CLEC12A: variants seen among roughly 807,000 people sequenced by gnomAD.
The protein encoded by CLEC12A is C-type lectin protein CLL-1.
A neutral mutation model predicts 26.5 loss-of-function variants in CLEC12A; 22 were observed. The ratio of observed to expected loss-of-function variants is 0.83; its 90% CI spans 0.59 to 1.19. CLEC12A has a LOEUF of 1.19. Ranked by LOEUF, CLEC12A falls within the 50% of genes most tolerant of loss-of-function variation. The probability of loss-of-function intolerance (pLI) is 0.00; values close to 1 mark genes in which losing one functional copy is unlikely to be tolerated. For missense variants in CLEC12A, 353 were observed against 315.6 expected (o/e 1.12, Z -0.90); for synonymous variants, 119 against 101.9 (o/e 1.17, Z -1.01).
At chr12:9,977,179 A>T (rs528986003) in intron 1 of CLEC12A, among the ~76,000 whole-genome samples, 108 of 152,294 alleles carry the variant, frequency 7.1e-4, no homozygotes, top group African/African-American at 2.2e-3. Context: ...AATTTCAGAA[A>T]TTTTTGCAAT....
chr12:9,993,316 T>C, intron 4 of CLEC12A: 1 of 1,604,550 alleles, frequency 6.2e-7, no homozygotes, highest in Non-Finnish European at 8.5e-7. Context: ...AATAAATTCC[T>C]TTGAAAACTG....
At chr12:10,004,997 C>CAAAGAG in the CLEC12A span, among the ~76,000 whole-genome samples, 1 of 150,958 alleles carries the variant, frequency 6.6e-6, no homozygotes, top group Non-Finnish European at 1.5e-5. Flanking sequence ...TTGTCTGAAT[C>CAAAGAG]AAAGAGAAAG....
chr12:9,968,182 G>A (rs926655693), upstream of CLEC12A, among the ~76,000 whole-genome samples: 1 of 152,194 alleles, frequency 6.6e-6, no homozygotes, highest in African/African-American at 2.4e-5. Flanking sequence ...GAGGTCATAG[G>A]TGGATCTTTC....
At chr12:9,975,814 G>A (rs762776609) in intron 1 of CLEC12A, among the ~76,000 whole-genome samples, 1 of 152,220 alleles carries the variant, frequency 6.6e-6, no homozygotes, top group Middle Eastern at 3.4e-3. Flanking sequence ...GGAATAAATG[G>A]TATTATGGAC....
At chr12:10,000,433 A>T (rs1591854884), downstream of CLEC12A, among the ~76,000 whole-genome samples, 1 of 152,358 alleles carries the variant, frequency 6.6e-6, no homozygotes, top group South Asian at 2.1e-4. Context: ...TATAAAAGAC[A>T]TTCCCTGATT....
At chr12:9,988,941 T>C (rs1864831049), downstream of CLEC12A, among the ~76,000 whole-genome samples, 1 of 152,178 alleles carries the variant, frequency 6.6e-6, no homozygotes, top group South Asian at 2.1e-4. Context: ...CTATTCACAA[T>C]AGCAAAGACT....
intron 1 of CLEC12A, among the ~76,000 whole-genome samples, chr12:9,957,308 A>G (rs1394811437): frequency 6.6e-6 from 1 of 151,968 alleles, no homozygotes; most frequent in Admixed American, 6.6e-5. Flanking sequence ...ACCAACATGG[A>G]CAAACCCCAT....
At chr12:9,967,745 C>T (rs180767943), upstream of CLEC12A, among the ~76,000 whole-genome samples, 15 of 150,504 alleles carry the variant, frequency 1.0e-4, 1 homozygote, top group African/African-American at 3.4e-4. Context: ...GGGTTCTTGC[C>T]CCCCAGAAAA....
In CLEC12A at chr12:9,971,620, A is replaced by AAG; in HGVS notation, c.24_25insAG (p.Asp9ArgfsTer39). 6.2e-7 allele frequency: 1 copy of AAG among 1,609,428 alleles called. No individual in the cohort carries two copies. Among genetic ancestry groups the AAG allele is most frequent in the Non-Finnish European group, 8.5e-7 (1 of 1,177,856 alleles). ...CAATGTCTGAAGAAGTTACTTATGCAGATCTTCAATTCCAGAACTCCAGTG... is the reference window on the plus strand; with the variant it reads ...CAATGTCTGAAGAAGTTACTTATGCAAGGATCTTCAATTCCAGAACTCCAGTG... On this transcript the variant is annotated frameshift_variant, in exon 1 of 6. Coordinates refer to ENST00000304361, the MANE Select transcript of CLEC12A (RefSeq NM_138337.6). LOFTEE classifies it high-confidence loss of function.
the CLEC12A span, among the ~76,000 whole-genome samples, chr12:10,005,362 C>T: frequency 2.0e-5 from 3 of 152,166 alleles, no homozygotes; most frequent in South Asian, 2.1e-4. Context: ...AGCAGACCCT[C>T]GTTGTGCTCA....
Position 9,956,903 on chromosome 12 carries a change from A to G in CLEC12A, c.10+5547A>G, listed in dbSNP as rs1006990938. On this transcript the variant is annotated intron_variant, in intron 1 of 6. Coordinates refer to the CLEC12A transcript ENST00000355690. ...TGCTGCATTCAGTTATTAAAAGTAT[A>G]AGTTACCAGTGGAATTTAGATATGG... is the stretch of plus-strand genomic sequence containing the variant. Among the ~76,000 whole-genome samples the G allele has an allele frequency of 1.4e-3, 216 of 152,200 alleles. 2 individuals are homozygous for G. The highest frequency in any genetic ancestry group is 5.0e-3 in the African/African-American group (208 of 41,440).
chr12:10,003,093 G>A, the CLEC12A span, among the ~76,000 whole-genome samples: 1 of 152,168 alleles, frequency 6.6e-6, no homozygotes, highest in Admixed American at 6.5e-5. Flanking sequence ...TTTTGCAACT[G>A]GTGATAGCTA....
At chr12:9,977,717 CTT>C (rs1461267271) in intron 1 of CLEC12A, among the ~76,000 whole-genome samples, 4 of 152,114 alleles carry the variant, frequency 2.6e-5, no homozygotes, top group Admixed American at 6.6e-5. Flanking sequence ...CCCTGTCTCA[CTT>C]ATATATCTAT....
At chr12:9,987,839 G>C (rs923967903), downstream of CLEC12A, among the ~76,000 whole-genome samples, 4 of 150,462 alleles carry the variant, frequency 2.7e-5, no homozygotes, top group African/African-American at 2.5e-5. Context: ...ACAGAGTCTC[G>C]CTCTTGTCAC....
At chr12:9,968,574 C>A (rs1164748384), upstream of CLEC12A, among the ~76,000 whole-genome samples, 1 of 152,076 alleles carries the variant, frequency 6.6e-6, no homozygotes, top group Non-Finnish European at 1.5e-5. Flanking sequence ...ATTTTCACTT[C>A]TTTTGTGGTG....
chr12:9,996,408 A>G (rs946491808), downstream of CLEC12A, among the ~76,000 whole-genome samples: 1 of 152,218 alleles, frequency 6.6e-6, no homozygotes, highest in African/African-American at 2.4e-5. Context: ...ATTAATCTCT[A>G]TATAATAGAG....
At position 9,951,641 on chromosome 12, in the gene CLEC12A, G is replaced by A. The variant is rs1208125549; in HGVS notation, c.10+285G>A. On this transcript the variant is annotated intron_variant, in intron 1 of 6. Coordinates refer to the CLEC12A transcript ENST00000355690. ...AACTAGCCCAACAAACAGGGAGAAAGCAACTCAACTGTTTCAGTTTGGACT... is the reference window on the plus strand; with the variant it reads ...AACTAGCCCAACAAACAGGGAGAAAACAACTCAACTGTTTCAGTTTGGACT... The A allele has an allele frequency of 1.6e-5, 7 of 444,252 alleles. No individual in the cohort carries two copies. The Admixed American group carries it at 2.5e-4, about 16-fold the overall frequency. The allele number at this position is 444,252 out of a possible 1,614,324, so 27.5% of individuals were successfully genotyped here.
chr12:9,962,756 A>T lies in CLEC12A; in HGVS notation c.11-8821A>T, dbSNP rs147700518. On this transcript the variant is annotated intron_variant, in intron 1 of 6. Transcript: ENST00000355690. ...TTCACTTCTTTTGTAGTGGAATGTCATCTGTTAAGGCAGGAACCGGCCATC... is the reference window on the plus strand; with the variant it reads ...TTCACTTCTTTTGTAGTGGAATGTCTTCTGTTAAGGCAGGAACCGGCCATC... Among the ~76,000 whole-genome samples the T allele has an allele frequency of 5.4e-4, 82 of 152,326 alleles. 1 individual carries two copies. Among genetic ancestry groups the T allele is most frequent in the African/African-American group, 1.8e-3 (74 of 41,572 alleles).
upstream of CLEC12A, among the ~76,000 whole-genome samples, chr12:9,967,184 A>G (rs569441809): frequency 1.4e-4 from 21 of 152,028 alleles, no homozygotes; most frequent in Non-Finnish European, 2.6e-4. Flanking sequence ...AAGGAAGATT[A>G]GAAAGACTCA....
Sources: allele counts gnomAD v4.1 joint callset (sites outside exome capture counted in the v4.1 genomes callset), GRCh38; gene constraint gnomAD v4.1.1; transcripts MANE v1.5; gene names NCBI Gene and HGNC (gene_info 2026-07-23, HGNC 2026-07-21).